DSCAM: variants seen among roughly 807,000 people sequenced by gnomAD.
The protein encoded by DSCAM is DS cell adhesion molecule.
Under a neutral mutation model 217.7 loss-of-function variants are expected in DSCAM, and 47 were observed. The ratio of observed to expected loss-of-function variants is 0.22; its 90% CI spans 0.17 to 0.28. The LOEUF is 0.28. Among genes scored for constraint, DSCAM ranks in the 10% least tolerant of loss-of-function variants. The pLI is 1.00. For synonymous variants in DSCAM, 1,056 were observed against 1,015.3 expected, an observed-to-expected ratio of 1.04 and a Z score of -0.76; for missense variants, 2,080 against 2,618.3, an observed-to-expected ratio of 0.79 and a Z score of 4.49.
chr21:40,154,427 C>A (rs779018739), intron 16 of DSCAM, among the ~76,000 whole-genome samples: 7 of 151,782 alleles, frequency 4.6e-5, no homozygotes, highest in Admixed American at 3.9e-4. Flanking sequence ...AATTTTTGAA[C>A]TTTTTTTGTA....
intron 15 of DSCAM, 26 bp from the exon 16 acceptor site, chr21:40,167,314 A>C (rs2146773489): frequency 1.2e-6 from 2 of 1,611,644 alleles, no homozygotes; most frequent in South Asian, 2.2e-5. Flanking sequence ...ACCCACAGGC[A>C]GGTTAGAGAC....
At chr21:40,327,041 C>A (rs1188434384) in intron 8 of DSCAM, among the ~76,000 whole-genome samples, 1 of 151,494 alleles carries the variant, frequency 6.6e-6, no homozygotes, top group East Asian at 1.9e-4. Flanking sequence ...TATATTTAAA[C>A]AATTTACATG....
At chr21:40,493,174 T>C (rs1168289400) in intron 3 of DSCAM, among the ~76,000 whole-genome samples, 1 of 152,248 alleles carries the variant, frequency 6.6e-6, no homozygotes, top group Non-Finnish European at 1.5e-5. Context: ...TCTATACTTT[T>C]ACTCTTGCCA....
chr21:40,330,950 C>T (rs1334716822), intron 8 of DSCAM, among the ~76,000 whole-genome samples: 2 of 152,038 alleles, frequency 1.3e-5, no homozygotes, highest in African/African-American at 4.8e-5. Context: ...TCTGCAATTC[C>T]CAAGTCGTTG....
intron 3 of DSCAM, among the ~76,000 whole-genome samples, chr21:40,549,392 T>TA (rs201808406): frequency 1.3e-3 from 193 of 151,154 alleles, no homozygotes; most frequent in Middle Eastern, 0.01. Context: ...TACTTCGAGA[T>TA]AAAAAAAAAC....
intron 1 of DSCAM, among the ~76,000 whole-genome samples, chr21:40,832,736 G>A (rs932216542): frequency 7.9e-5 from 12 of 152,218 alleles, no homozygotes; most frequent in African/African-American, 2.9e-4. Context: ...AAAGTGATAG[G>A]GTGCAAGGAA....
At chr21:40,740,057 G>T (rs950150884) in intron 1 of DSCAM, among the ~76,000 whole-genome samples, 2 of 140,708 alleles carry the variant, frequency 1.4e-5, no homozygotes, top group Non-Finnish European at 3.0e-5. Flanking sequence ...GACAACACCT[G>T]TATGTGGGCA....
At chr21:40,631,473 C>G (rs1057003235) in intron 3 of DSCAM, among the ~76,000 whole-genome samples, 2 of 152,132 alleles carry the variant, frequency 1.3e-5, no homozygotes, top group African/African-American at 4.8e-5. Flanking sequence ...GGATTCTGGG[C>G]TTGCATGGGT....
intron 19 of DSCAM, among the ~76,000 whole-genome samples, chr21:40,132,351 C>T (rs935670406): frequency 6.6e-6 from 1 of 152,134 alleles, no homozygotes; most frequent in African/African-American, 2.4e-5. Context: ...GTGACAGAGC[C>T]AGCATTTGCA....
At chr21:40,479,198 G>C (rs930447647) in intron 3 of DSCAM, among the ~76,000 whole-genome samples, 10 of 152,124 alleles carry the variant, frequency 6.6e-5, no homozygotes, top group African/African-American at 2.2e-4. Flanking sequence ...CAGAGACATG[G>C]CCATGAGTAA....
At chr21:40,021,900 C>T (rs1045299636) in intron 32 of DSCAM, among the ~76,000 whole-genome samples, 4 of 152,162 alleles carry the variant, frequency 2.6e-5, no homozygotes, top group Non-Finnish European at 4.4e-5. Context: ...GTTGGCCTGA[C>T]TGTGGGAAAA....
At chr21:40,507,727 T>C (rs1008583337) in intron 3 of DSCAM, among the ~76,000 whole-genome samples, 2 of 151,844 alleles carry the variant, frequency 1.3e-5, no homozygotes, top group Non-Finnish European at 2.9e-5. Flanking sequence ...AAGGTGGAGG[T>C]TGCAGTGATC....
At chr21:40,262,424 T>C (rs1297222504) in intron 11 of DSCAM, among the ~76,000 whole-genome samples, 1 of 152,116 alleles carries the variant, frequency 6.6e-6, no homozygotes, top group Non-Finnish European at 1.5e-5. Context: ...TTGCCCCGCC[T>C]CCAGAACTGT....
At chr21:40,343,092 A>C (rs2074517357) in intron 6 of DSCAM, among the ~76,000 whole-genome samples, 1 of 152,246 alleles carries the variant, frequency 6.6e-6, no homozygotes, top group South Asian at 2.1e-4. Context: ...AAGTTTCAAA[A>C]TATTAGTTTC....
At chr21:40,573,432 T>C (rs2146207465) in intron 3 of DSCAM, among the ~76,000 whole-genome samples, 1 of 152,252 alleles carries the variant, frequency 6.6e-6, no homozygotes, top group Non-Finnish European at 1.5e-5. Context: ...TCTAAACAGA[T>C]GATGACCTAT....
At chr21:40,360,152 GAC>G (rs1491414395) in intron 4 of DSCAM, among the ~76,000 whole-genome samples, 6 of 90,450 alleles carry the variant, frequency 6.6e-5, no homozygotes, top group African/African-American at 3.0e-4. Context: ...TTTTTTTTGA[GAC>G]AGAGTCTCGC....
At chr21:40,205,699 T>C (rs1009125332) in intron 11 of DSCAM, among the ~76,000 whole-genome samples, 3 of 152,096 alleles carry the variant, frequency 2.0e-5, no homozygotes, top group African/African-American at 7.2e-5. Context: ...AAATGATCTG[T>C]TGAAGTATTA....
intron 3 of DSCAM, among the ~76,000 whole-genome samples, chr21:40,516,878 A>G (rs929497857): frequency 2.8e-5 from 4 of 142,588 alleles, no homozygotes; most frequent in African/African-American, 1.1e-4. Flanking sequence ...ACACATGCGC[A>G]CACACACACC....
chr21:40,632,015 G>C (rs1169631521), intron 3 of DSCAM, among the ~76,000 whole-genome samples: 1 of 152,238 alleles, frequency 6.6e-6, no homozygotes, highest in Non-Finnish European at 1.5e-5. Context: ...CAGGTTCTGT[G>C]AGAAGGTGCA....
Sources: gnomAD v4.1 joint callset for allele counts (sites outside exome capture counted in the v4.1 genomes callset) on GRCh38, gnomAD v4.1.1 for gene constraint, MANE v1.5 for transcripts, NCBI Gene and HGNC (gene_info 2026-07-23, HGNC 2026-07-21) for gene names.